Variants in PIP5K1C observed in about 807,000 individuals in gnomAD.
PIP5K1C encodes the protein phosphatidylinositol-4-phosphate 5-kinase type 1 gamma.
PIP5K1C carries 45 observed loss-of-function variants against 80.1 expected under a neutral mutation model. The observed-to-expected ratio is 0.56, with a 90% confidence interval of 0.44 to 0.72. The LOEUF is 0.72. Ranked by LOEUF, PIP5K1C falls within the 30% of genes least tolerant of loss-of-function variation. The pLI is 0.00. For missense variants in PIP5K1C, 753 were observed against 954.6 expected (o/e 0.79, Z 2.78); for synonymous variants, 498 against 420.1 (o/e 1.19, Z -2.27).
Position 3,653,425 on chromosome 19 carries a change from G to A in PIP5K1C, c.786C>T (p.Arg262=), listed in dbSNP as rs576185871. 24 of 1,613,460 alleles carry A rather than the reference G, an allele frequency of 1.5e-5. No homozygotes were observed. The highest frequency in any genetic ancestry group is 6.7e-5 in the African/African-American group (5 of 75,060). Residue 262 remains arginine (R), a synonymous_variant, in exon 7 of 18, where the codon CGC becomes CGT. Transcript: ENST00000335312. ...TCTTCTCCTTCTCCTTCTTGCTGGC[G>A]CGCCGCTTGTAGGTGGAGCCCTTGA... ...FDLKGSTYKR[R]ASKKEKEKSF... is the part of the protein sequence containing the mutation.
rs1599963533 is a variant in PIP5K1C, at chr19:3,651,820, A to C, written c.1127+6T>G. 3 of 1,610,268 alleles carry C rather than the reference A, an allele frequency of 1.9e-6. No individual in the cohort carries two copies. Among genetic ancestry groups the C allele is most frequent in the Non-Finnish European group, 2.5e-6 (3 of 1,179,096 alleles). ...GGACGGGTCCGGCGGCCCCCCGCCC[A>C]CCTACGTGTCATCCGATTCGATGGC... On this transcript the variant is annotated splice_donor_region_variant and intron_variant, in intron 8 of 17. Transcript: ENST00000335312.
intron 16 of PIP5K1C, chr19:3,636,678 G>A (rs1262961493): frequency 1.0e-6 from 1 of 985,550 alleles, no homozygotes; most frequent in East Asian, 1.1e-4. Context: ...CGGGGAAGTG[G>A]TCTCCACCTC....
chr19:3,642,856 T>C (rs2034024257), intron 14 of PIP5K1C, 51 bp downstream of exon 14: 1 of 1,480,188 alleles, frequency 6.8e-7, no homozygotes, highest in Non-Finnish European at 9.4e-7. Flanking sequence ...AGCTGGGAGC[T>C]GTGCAGGAGG....
intron 5 of PIP5K1C, among the ~76,000 whole-genome samples, chr19:3,659,786 A>G (rs1022349592): frequency 6.6e-6 from 1 of 152,126 alleles, no homozygotes; most frequent in Admixed American, 6.5e-5. Context: ...GGAAGAGCGC[A>G]GCCTCGGGCG....
intron 8 of PIP5K1C, among the ~76,000 whole-genome samples, chr19:3,649,113 A>G (rs58633104): frequency 0.099 from 6,547 of 66,382 alleles, 195 homozygotes; most frequent in Middle Eastern, 0.2. Context: ...ACCCGGCACC[A>G]TGCCCACACG....
chr19:3,680,552 T>C (rs2035559928), intron 1 of PIP5K1C, among the ~76,000 whole-genome samples: 1 of 152,222 alleles, frequency 6.6e-6, no homozygotes, highest in Admixed American at 6.5e-5. Context: ...TCCACTCACT[T>C]TGGCCTCCCA....
Position 3,700,376 on chromosome 19 carries a change from T to C in PIP5K1C, c.15A>G (p.Val5=), listed in dbSNP as rs181777039. 6,459 of 1,265,702 alleles carry C rather than the reference T, an allele frequency of 5.1e-3. 288 individuals are homozygous for C. In the African/African-American group the frequency reaches 0.092, roughly 18 times the overall value. 78.4% of individuals were successfully genotyped at this position (1,265,702 alleles called of 1,614,324 possible). Reference sequence around the variant, plus strand: ...CCTCAGCGCTCTCCGCCTCGTCCGGTACCTCCAGCTCCATGGCCGCGCGCG... The same window carrying C: ...CCTCAGCGCTCTCCGCCTCGTCCGGCACCTCCAGCTCCATGGCCGCGCGCG... The part of the protein sequence containing the change: MELE[V]PDEAESAEAG... The change falls in exon 1 of 18, where the codon GTA becomes GTG. Residue 5 remains valine, a synonymous_variant. Coordinates refer to ENST00000335312, the MANE Select transcript of PIP5K1C (RefSeq NM_012398.3).
intron 1 of PIP5K1C, among the ~76,000 whole-genome samples, chr19:3,668,095 G>A (rs1200570503): frequency 6.6e-6 from 1 of 152,082 alleles, no homozygotes; most frequent in Non-Finnish European, 1.5e-5. Context: ...CAGGGCCTGG[G>A]CCGCAGCTCC....
intron 5 of PIP5K1C, among the ~76,000 whole-genome samples, chr19:3,657,229 C>T (rs540430592): frequency 6.6e-6 from 1 of 152,298 alleles, no homozygotes; most frequent in Non-Finnish European, 1.5e-5. Flanking sequence ...TGTCTCTCTG[C>T]CCCCACGCCC....
Position 3,672,838 on chromosome 19 carries a change from G to A in PIP5K1C, c.95-5485C>T, listed in dbSNP as rs557378655. 3.2e-4 allele frequency among the ~76,000 whole-genome samples: 48 copies of A among 152,172 alleles called. 1 individual carries two copies. The highest frequency in any genetic ancestry group is 1.1e-3 in the African/African-American group (47 of 41,526). ...GAACAGTGGTGGCCTCATCCCTGTA[G>A]AACCAAGGTCCAGACCCCCATGGCT... is the stretch of plus-strand genomic sequence containing the variant. On this transcript the variant is annotated intron_variant, in intron 1 of 17. Transcript: ENST00000335312.
At position 3,661,792 on chromosome 19, in the gene PIP5K1C, G is replaced by A. The variant is rs915523310; in HGVS notation, c.350+79C>T. The A allele has an allele frequency of 3.9e-6, 6 of 1,558,058 alleles. No homozygotes were observed. In the African/African-American group the frequency reaches 6.7e-5, roughly 17 times the overall value. ...GCCAGGTGCTGCTTTCAGCAGAGAA[G>A]GGCGCTCAGGACAGGCCACTCCGCC... On this transcript the variant is annotated intron_variant, in intron 4 of 17. Transcript: ENST00000335312.
intron 15 of PIP5K1C, among the ~76,000 whole-genome samples, chr19:3,639,618 G>A (rs1460156358): frequency 1.3e-5 from 2 of 149,928 alleles, no homozygotes; most frequent in Non-Finnish European, 3.0e-5. Context: ...TTTTTTTAGA[G>A]ATGGGGTCTC....
intron 1 of PIP5K1C, among the ~76,000 whole-genome samples, chr19:3,686,945 C>G (rs2035779772): frequency 6.6e-6 from 1 of 152,032 alleles, no homozygotes; most frequent in Non-Finnish European, 1.5e-5. Flanking sequence ...GTAATCCCAG[C>G]ACTTTGGGAG....
At chr19:3,687,545 G>A (rs1177514213) in intron 1 of PIP5K1C, among the ~76,000 whole-genome samples, 1 of 150,494 alleles carries the variant, frequency 6.6e-6, no homozygotes, top group Non-Finnish European at 1.5e-5. Context: ...ACACATACAT[G>A]CACACATGCA....
At chr19:3,659,259 TA>T (rs1300436420) in intron 5 of PIP5K1C, among the ~76,000 whole-genome samples, 11 of 152,180 alleles carry the variant, frequency 7.2e-5, no homozygotes, top group African/African-American at 1.9e-4. Context: ...GGACAGAGGC[TA>T]GGGGGCTGCC....
chr19:3,638,819 G>A, intron 16 of PIP5K1C, 65 bp downstream of exon 16: 1 of 1,588,356 alleles, frequency 6.3e-7, no homozygotes, highest in Non-Finnish European at 8.6e-7. Flanking sequence ...TGTGCACACG[G>A]TGGAGCGTGT....
At chr19:3,698,092 G>A (rs987793978) in intron 1 of PIP5K1C, among the ~76,000 whole-genome samples, 4 of 152,258 alleles carry the variant, frequency 2.6e-5, no homozygotes, top group Non-Finnish European at 5.9e-5. Context: ...CAAGGCTCCC[G>A]CTGTAGCTGA....
chr19:3,689,519 G>C (rs919964415), intron 1 of PIP5K1C, among the ~76,000 whole-genome samples: 3 of 151,970 alleles, frequency 2.0e-5, no homozygotes, highest in African/African-American at 7.3e-5. Flanking sequence ...TGTGGTGGCG[G>C]GCGCCTGTAA....
rs2033720711 is a variant in PIP5K1C at position 3,637,146 on chromosome 19, G to A, written c.1920+1738C>T. 1.5e-5 allele frequency: 21 copies of A among 1,398,572 alleles called. No homozygotes were observed. The Admixed American group carries it at 2.1e-4, about 14-fold the overall frequency. The allele number at this position is 1,398,572 out of a possible 1,614,324, so 86.6% of individuals were successfully genotyped here. On this transcript the variant is annotated intron_variant, in intron 16 of 17. Coordinates refer to ENST00000335312, the MANE Select transcript of PIP5K1C (RefSeq NM_012398.3). This position sits in a 1 kb window ranked among gnomAD's most constrained non-coding sequence, Gnocchi z 7.0. Reference sequence around the variant, plus strand: ...CAACCTCCCCTGTGCAGCCAGCGGGGCCACGGGCAGCCAGGTCTGCACGAG... The same window carrying A: ...CAACCTCCCCTGTGCAGCCAGCGGGACCACGGGCAGCCAGGTCTGCACGAG...
Sources: allele counts gnomAD v4.1 joint callset (sites outside exome capture counted in the v4.1 genomes callset), GRCh38; gene constraint gnomAD v4.1.1; non-coding constraint Gnocchi (gnomAD v3.1); transcripts MANE v1.5; gene names NCBI Gene and HGNC (gene_info 2026-07-23, HGNC 2026-07-21).